Variants in NIBAN1 observed in about 807,000 individuals in gnomAD.
NIBAN1 encodes the protein protein Niban 1.
A neutral mutation model predicts 75.1 loss-of-function variants in NIBAN1; 81 were observed. That is an observed-to-expected ratio of 1.08 (90% confidence interval 0.90 to 1.30). The LOEUF is 1.30. Ranked by LOEUF, NIBAN1 falls within the 50% of genes most tolerant of loss-of-function variation. The pLI is 0.00. For synonymous variants in NIBAN1, 436 were observed against 424.8 expected, an observed-to-expected ratio of 1.03 and a Z score of -0.32; for missense variants, 1,133 against 1,128.1, an observed-to-expected ratio of 1.00 and a Z score of -0.06.
chr1:184,836,568 T>A (rs1173601298), intron 5 of NIBAN1, among the ~76,000 whole-genome samples: 1 of 152,128 alleles, frequency 6.6e-6, no homozygotes, highest in Non-Finnish European at 1.5e-5. Context: ...AGAAATGGGA[T>A]TTGGAGATGT....
At chr1:184,819,823 C>T (rs1173780932) in intron 8 of NIBAN1, among the ~76,000 whole-genome samples, 1 of 152,202 alleles carries the variant, frequency 6.6e-6, no homozygotes, top group African/African-American at 2.4e-5. Context: ...ACTGGACAAA[C>T]ATCAGACCCT....
intron 5 of NIBAN1, among the ~76,000 whole-genome samples, chr1:184,837,437 T>C (rs763297692): frequency 1.3e-5 from 2 of 152,178 alleles, no homozygotes; most frequent in Non-Finnish European, 2.9e-5. Context: ...CAAGAAATGG[T>C]TAATTTCCTA....
Position 184,823,676 on chromosome 1 carries a change from T to C in NIBAN1, c.784A>G (p.Lys262Glu). The change falls in exon 7 of 14, where the codon AAG (lysine) becomes GAG (glutamate). Residue 262 changes from lysine to glutamate, a missense_variant. Lys to Glu is a moderately conservative substitution (Grantham distance 56). Transcript: ENST00000367511. ...CTCTTTCTGTCATTCTTCTTCCCCT[T>C]CATCTTAGGCAGCAGGTCTGTCTGA... ...TLQTDLLPKM[K>E]GKKNDRKRTW... 1 of 1,614,156 alleles carries C rather than the reference T, an allele frequency of 6.2e-7. No individual in the cohort carries two copies. The highest frequency in any genetic ancestry group is 8.5e-7 in the Non-Finnish European group (1 of 1,180,010).
At chr1:184,969,970 A>G (rs1658894673) in intron 1 of NIBAN1, among the ~76,000 whole-genome samples, 1 of 151,986 alleles carries the variant, frequency 6.6e-6, no homozygotes, top group South Asian at 2.1e-4. Flanking sequence ...GTTTGAGATT[A>G]GCCTGGGAAA....
At chr1:184,817,917 C>T (rs1449704476) in intron 9 of NIBAN1, among the ~76,000 whole-genome samples, 6 of 152,196 alleles carry the variant, frequency 3.9e-5, no homozygotes, top group Non-Finnish European at 7.3e-5. Context: ...GTTCAAACTG[C>T]GTTCAAATAA....
At position 184,884,743 on chromosome 1, in the gene NIBAN1, A is replaced by T. The variant is rs758389600; in HGVS notation, c.491T>A (p.Val164Glu). The part of the protein sequence containing the change: ...PFVVLPKEFP[V>E]YLWQPFFRHG... ...TCTGAAGAAGGGCTGCCACAGGTAC[A>T]CTGGGAATTCCTTGGGCAGGACCAC... Residue 164 changes from valine (V) to glutamate (E), a missense_variant, in exon 5 of 14, where the codon GTG becomes GAG. By Grantham distance (121) the Val-to-Glu change is moderately radical (BLOSUM62 -2). Transcript: ENST00000367511. 6.2e-7 allele frequency: 1 copy of T among 1,614,206 alleles called. No homozygotes were observed. The highest frequency in any genetic ancestry group is 1.1e-5 in the South Asian group (1 of 91,088).
chr1:184,818,837 A>G lies in NIBAN1; in HGVS notation c.986-12T>C. ...CTGGGCCACCATCGCTGAGGTAGGAAATAGCCAAAAAACCGTGACATATGG... is the reference window on the plus strand; with the variant it reads ...CTGGGCCACCATCGCTGAGGTAGGAGATAGCCAAAAAACCGTGACATATGG... On this transcript the variant is annotated splice_polypyrimidine_tract_variant and intron_variant, in intron 8 of 13. Transcript: ENST00000367511. The G allele has an allele frequency of 6.4e-7, 1 of 1,573,044 alleles. No individual in the cohort carries two copies. Among genetic ancestry groups the G allele is most frequent in the Non-Finnish European group, 8.7e-7 (1 of 1,154,270 alleles).
intron 1 of NIBAN1, among the ~76,000 whole-genome samples, chr1:184,940,718 A>AT (rs960003336): frequency 6.6e-6 from 1 of 152,224 alleles, no homozygotes; most frequent in African/African-American, 2.4e-5. Context: ...TTGCATAAAA[A>AT]TTTTTTAACT....
intron 5 of NIBAN1, among the ~76,000 whole-genome samples, chr1:184,864,841 C>T (rs557968431): frequency 4.0e-5 from 6 of 150,704 alleles, no homozygotes. Flanking sequence ...TTTAAGAATG[C>T]ATATGTACCC....
chr1:184,914,036 G>T (rs1285204131), intron 1 of NIBAN1, among the ~76,000 whole-genome samples: 1 of 152,158 alleles, frequency 6.6e-6, no homozygotes, highest in Non-Finnish European at 1.5e-5. Context: ...AGACATCTAG[G>T]CTTTCAGAAA....
Position 184,808,205 on chromosome 1 carries a change from G to A in NIBAN1, c.1204C>T (p.His402Tyr). ...TAACAAGGTTCCATCTTCACGGAATGCAGCGGAAGATTCATAAGCCGGTCT... is the reference window on the plus strand; with the variant it reads ...TAACAAGGTTCCATCTTCACGGAATACAGCGGAAGATTCATAAGCCGGTCT... ...HLDRLMNLPL[H>Y]SVKMEPCYTK... The change falls in exon 10 of 14, where the codon CAT becomes TAT. Residue 402 changes from histidine (H) to tyrosine (Y), a missense_variant. Coordinates refer to ENST00000367511, the MANE Select transcript of NIBAN1 (RefSeq NM_052966.4). The A allele has an allele frequency of 6.2e-7, 1 of 1,614,170 alleles. No homozygotes were observed. The highest frequency in any genetic ancestry group is 1.1e-5 in the South Asian group (1 of 91,080).
intron 13 of NIBAN1, among the ~76,000 whole-genome samples, chr1:184,797,171 ACT>A (rs539855355): frequency 2.4e-4 from 32 of 132,628 alleles, no homozygotes; most frequent in African/African-American, 8.2e-4. Flanking sequence ...ACCGAGTCTC[ACT>A]CTGTCACCCA....
At chr1:184,949,555 CAA>C (rs1018345444) in intron 1 of NIBAN1, among the ~76,000 whole-genome samples, 7 of 152,124 alleles carry the variant, frequency 4.6e-5, no homozygotes, top group Non-Finnish European at 8.8e-5. Context: ...ATAACTTGCG[CAA>C]AGAGGACCCA....
intron 1 of NIBAN1, among the ~76,000 whole-genome samples, chr1:184,967,173 T>G (rs116719104): frequency 0.022 from 3,283 of 151,918 alleles, 106 homozygotes; most frequent in African/African-American, 0.075. Flanking sequence ...CATTTGGGGT[T>G]CTGTTAAATC....
intron 1 of NIBAN1, among the ~76,000 whole-genome samples, chr1:184,925,580 T>A (rs1448095147): frequency 1.3e-5 from 2 of 152,112 alleles, no homozygotes; most frequent in Non-Finnish European, 1.5e-5. Context: ...GTTTGTTATA[T>A]GATTTTTTTA....
chr1:184,809,467 T>C (rs1299563834), intron 9 of NIBAN1, among the ~76,000 whole-genome samples: 1 of 152,122 alleles, frequency 6.6e-6, no homozygotes, highest in Non-Finnish European at 1.5e-5. Context: ...CATACACAAT[T>C]AGTGGAAATG....
intron 8 of NIBAN1, chr1:184,821,596 G>T (rs1043518686): frequency 6.6e-6 from 1 of 152,082 alleles, no homozygotes; most frequent in Non-Finnish European, 1.5e-5. Flanking sequence ...TGGATACACC[G>T]GAGCCACAGA....
intron 5 of NIBAN1, among the ~76,000 whole-genome samples, chr1:184,834,678 T>A (rs1368577450): frequency 6.6e-6 from 1 of 152,232 alleles, no homozygotes; most frequent in Admixed American, 6.5e-5. Context: ...TCTGTTCATG[T>A]CCTTTGCCCA....
intron 1 of NIBAN1, among the ~76,000 whole-genome samples, chr1:184,960,899 G>A (rs993106083): frequency 6.6e-6 from 1 of 151,770 alleles, no homozygotes; most frequent in African/African-American, 2.4e-5. Flanking sequence ...CAAAGTGCTG[G>A]GATTACAGGC....
Sources: gnomAD v4.1 joint callset for allele counts (sites outside exome capture counted in the v4.1 genomes callset) on GRCh38, gnomAD v4.1.1 for gene constraint, MANE v1.5 for transcripts, NCBI Gene and HGNC (gene_info 2026-07-23, HGNC 2026-07-21) for gene names.